The following GAB4 variants were observed in gnomAD, a reference collection of about 807,000 sequenced individuals.
GAB4 encodes GRB2-associated-binding protein 4.
GAB4 carries 26 observed loss-of-function variants against 51.3 expected under a neutral mutation model. That is an observed-to-expected ratio of 0.51 (90% CI 0.37 to 0.70). The LOEUF (loss-of-function observed/expected upper bound fraction) is 0.70, where lower values mean the gene tolerates loss of function less well. GAB4 is among the 30% of genes least tolerant of loss of function. The pLI, the probability that GAB4 is intolerant of heterozygous loss-of-function variation, is 0.00. For missense variants in GAB4, 759 were observed against 734.6 expected (o/e 1.03, Z -0.38); for synonymous variants, 329 against 291.2 (o/e 1.13, Z -1.32).
intron 3 of GAB4, among the ~76,000 whole-genome samples, chr22:16,980,707 C>A (rs540372286): frequency 6.6e-6 from 1 of 152,098 alleles, no homozygotes; most frequent in Non-Finnish European, 1.5e-5. Context: ...CAAGTACACC[C>A]GTATGTTTAT....
chr22:16,983,616 G>A (rs760301935), intron 3 of GAB4, among the ~76,000 whole-genome samples: 14 of 152,116 alleles, frequency 9.2e-5, no homozygotes, highest in Non-Finnish European at 1.6e-4. Context: ...CAGGCCAATG[G>A]AACAGAATAC....
rs761671659 is a variant in GAB4, at chr22:16,966,277, C to A, written c.1111G>T (p.Ala371Ser). ...PMNPGSPTLPAVKQAGDDSQG... is the reference protein window; with the variant it reads ...PMNPGSPTLPSVKQAGDDSQG... Reference sequence around the variant, plus strand: ...GAATCATCGCCTGCTTGCTTCACAGCCGGCAGGGTAGGGGAGCCTGGGTTC... The same window carrying A: ...GAATCATCGCCTGCTTGCTTCACAGACGGCAGGGTAGGGGAGCCTGGGTTC... The change falls in exon 6 of 10, where the codon GCT (alanine) becomes TCT (serine). Residue 371 changes from alanine to serine, a missense_variant. Ala to Ser is a moderately conservative substitution (Grantham distance 99, BLOSUM62 1). Coordinates refer to ENST00000400588, the MANE Select transcript of GAB4 (RefSeq NM_001037814.1). 6.0e-5 allele frequency: 97 copies of A among 1,613,904 alleles called. No individual in the cohort carries two copies. The Middle Eastern group carries it at 1.2e-3, about 19-fold the overall frequency.
At chr22:16,975,743 C>A (rs138426455) in intron 3 of GAB4, among the ~76,000 whole-genome samples, 266 of 152,326 alleles carry the variant, frequency 1.7e-3, no homozygotes, top group African/African-American at 6.2e-3. Context: ...CATCGACAGA[C>A]ACCTCATACA....
chr22:16,969,613 C>A, intron 4 of GAB4: 1 of 614,518 alleles, frequency 1.6e-6, no homozygotes, highest in Non-Finnish European at 2.9e-6. Context: ...TCATACTGAC[C>A]TTGGTGACAT....
At chr22:16,971,765 T>C (rs2060733945) in intron 3 of GAB4, among the ~76,000 whole-genome samples, 1 of 152,212 alleles carries the variant, frequency 6.6e-6, no homozygotes, top group South Asian at 2.1e-4. Context: ...TGGGGAGCTG[T>C]TCCTTGGGGA....
Position 16,966,107 on chromosome 22 carries a change from G to T in GAB4, c.1281C>A (p.Asn427Lys). The T allele has an allele frequency of 6.2e-7, 1 of 1,613,898 alleles. No individual in the cohort carries two copies. Among genetic ancestry groups the T allele is most frequent in the Non-Finnish European group, 8.5e-7 (1 of 1,179,950 alleles). The change falls in exon 6 of 10, where the codon AAC (asparagine) becomes AAA (lysine). Residue 427 changes from asparagine to lysine, a missense_variant. Physicochemically the swap from Asn to Lys is moderately conservative, Grantham distance 94. This residue lies in a region of GAB4 where 588 missense variants were observed against 510.2 expected (regional missense o/e 1.15). Coordinates refer to ENST00000400588, the MANE Select transcript of GAB4 (RefSeq NM_001037814.1). ...LPPVNRSLKP[N>K]QKANPTPPNL... ...GAATGGGGAAAGACTTACCCTTCTG[G>T]TTAGGCTTGAGGCTGCGGTTGACAG...
chr22:16,985,022 C>T (rs1383471639), intron 3 of GAB4, among the ~76,000 whole-genome samples: 2 of 152,206 alleles, frequency 1.3e-5, no homozygotes, highest in African/African-American at 4.8e-5. Flanking sequence ...AGTCCACACC[C>T]TGCCTCCTTT....
intron 2 of GAB4, among the ~76,000 whole-genome samples, chr22:16,988,760 C>T (rs1329822571): frequency 1.3e-5 from 2 of 152,318 alleles, no homozygotes; most frequent in East Asian, 1.9e-4. Context: ...GCAGAACCTA[C>T]GAGGCCTTTC....
intron 3 of GAB4, among the ~76,000 whole-genome samples, chr22:16,983,072 G>A (rs2060839891): frequency 6.6e-6 from 1 of 152,174 alleles, no homozygotes; most frequent in Admixed American, 6.5e-5. Flanking sequence ...TAAACTAGAA[G>A]AACATGTTTC....
At chr22:16,992,480 A>G (rs1193417131) in intron 1 of GAB4, among the ~76,000 whole-genome samples, 1 of 152,224 alleles carries the variant, frequency 6.6e-6, no homozygotes, top group African/African-American at 2.4e-5. Flanking sequence ...ACCTCAATGC[A>G]TAGCACTTTT....
intron 9 of GAB4, among the ~76,000 whole-genome samples, chr22:16,963,093 C>T (rs997026246): frequency 8.5e-5 from 13 of 152,324 alleles, no homozygotes; most frequent in African/African-American, 3.1e-4. Context: ...TTCTCATCTC[C>T]CACCTCGCAG....
Position 16,992,235 on chromosome 22 carries a change from G to A in GAB4, c.175-59C>T, listed in dbSNP as rs578118049. On this transcript the variant is annotated intron_variant, in intron 1 of 9. Coordinates refer to ENST00000400588, the MANE Select transcript of GAB4 (RefSeq NM_001037814.1). The stretch of plus-strand genomic sequence containing the variant: ...TTTGTTATTACAAAGCTTTTAACAG[G>A]TCTGAGACATCACTAAGTTAAGGAT... 6.9e-6 allele frequency: 10 copies of A among 1,451,758 alleles called. No homozygotes were observed. In the African/African-American group the frequency reaches 1.3e-4, roughly 18 times the overall value. 89.9% of individuals were successfully genotyped at this position (1,451,758 alleles called of 1,614,324 possible).
chr22:16,973,159 T>C (rs1404243596), intron 3 of GAB4, among the ~76,000 whole-genome samples: 1 of 152,190 alleles, frequency 6.6e-6, no homozygotes, highest in Non-Finnish European at 1.5e-5. Flanking sequence ...ACCAATCACC[T>C]GCATAACTGT....
rs2060657797 is a variant in GAB4 at position 16,964,763 on chromosome 22, CACCGGGAAAAGAT to C, written c.1466_1476+2del. ...AGCCTTACAGTGACCCCCAAGGACT[CACCGGGAAAAGAT>C]ACCTCTCTCCACTGTCTTCTGAGTC... On this transcript the variant is annotated splice_donor_variant and coding_sequence_variant, in exon 8 of 10. Coordinates refer to ENST00000400588, the MANE Select transcript of GAB4 (RefSeq NM_001037814.1). LOFTEE classifies it high-confidence loss of function. The C allele has an allele frequency of 6.2e-7, 1 of 1,606,070 alleles. No homozygotes were observed. Among genetic ancestry groups the C allele is most frequent in the South Asian group, 1.1e-5 (1 of 90,812 alleles).
At chr22:17,001,818 G>A (rs1289507276) in intron 1 of GAB4, among the ~76,000 whole-genome samples, 3 of 152,110 alleles carry the variant, frequency 2.0e-5, no homozygotes, top group South Asian at 2.1e-4. Flanking sequence ...TACCCAGTTC[G>A]AGCTTCCAGG....
chr22:16,993,824 T>C (rs2060931453), intron 1 of GAB4, among the ~76,000 whole-genome samples: 1 of 152,170 alleles, frequency 6.6e-6, no homozygotes, highest in African/African-American at 2.4e-5. Flanking sequence ...TCTTATTCCA[T>C]GAGAAAATAT....
chr22:17,003,816 C>T (rs1438354869), intron 1 of GAB4, among the ~76,000 whole-genome samples: 2 of 151,006 alleles, frequency 1.3e-5, no homozygotes, highest in East Asian at 3.9e-4. Flanking sequence ...AGAACACAAA[C>T]TAAGATCAGA....
intron 1 of GAB4, among the ~76,000 whole-genome samples, chr22:17,002,595 C>T (rs1301926987): frequency 6.6e-6 from 1 of 151,592 alleles, no homozygotes; most frequent in East Asian, 1.9e-4. Context: ...CAATATTAAC[C>T]TTATGTTCTC....
At chr22:16,971,340 G>C (rs775536489) in intron 3 of GAB4, among the ~76,000 whole-genome samples, 3 of 152,330 alleles carry the variant, frequency 2.0e-5, no homozygotes, top group Middle Eastern at 3.4e-3. Context: ...GATCACCCCA[G>C]ACACGACCCA....
Sources: gnomAD v4.1 joint callset for allele counts (sites outside exome capture counted in the v4.1 genomes callset) on GRCh38, gnomAD v4.1.1 for gene constraint, gnomAD v4.1.1 regional missense constraint, MANE v1.5 for transcripts, NCBI Gene and HGNC (gene_info 2026-07-23, HGNC 2026-07-21) for gene names.